STYX: variants seen among roughly 807,000 people sequenced by gnomAD.
STYX encodes serine/threonine/tyrosine-interacting protein.
In STYX, 20 loss-of-function variants were observed where a neutral mutation model predicts 42.7. That is an observed-to-expected ratio of 0.47 (90% CI 0.33 to 0.68). The LOEUF (loss-of-function observed/expected upper bound fraction) is 0.68, where lower values mean the gene tolerates loss of function less well. Ranked by LOEUF, STYX falls within the 30% of genes least tolerant of loss-of-function variation. The pLI, the probability that STYX is intolerant of heterozygous loss-of-function variation, is 0.02. For missense variants in STYX, 226 were observed against 268.5 expected (o/e 0.84, Z 1.11); for synonymous variants, 78 against 81.9 (o/e 0.95, Z 0.26).
chr14:52,730,451 C>G lies in STYX; in HGVS notation c.-24C>G, dbSNP rs1176763106. 1 of 1,612,518 alleles carries G rather than the reference C, an allele frequency of 6.2e-7. No homozygotes were observed. The highest frequency in any genetic ancestry group is 8.5e-7 in the Non-Finnish European group (1 of 1,179,510). Reference sequence around the variant, plus strand: ...GGCTGTGTAACACTCTCCCACCCCACCCACCAGCCCGCGGGCCAGCACCAT... The same window carrying G: ...GGCTGTGTAACACTCTCCCACCCCAGCCACCAGCCCGCGGGCCAGCACCAT... On this transcript the variant is annotated 5_prime_UTR_variant, in exon 1 of 11. Coordinates refer to ENST00000354586, the MANE Select transcript of STYX (RefSeq NM_145251.4).
intron 1 of STYX, among the ~76,000 whole-genome samples, chr14:52,734,912 C>T (rs982789240): frequency 3.9e-5 from 6 of 152,036 alleles, no homozygotes; most frequent in African/African-American, 1.4e-4. Context: ...AAAAAATTAG[C>T]CAGGTATGGT....
At chr14:52,766,476 T>A (rs1310152321) in intron 9 of STYX, among the ~76,000 whole-genome samples, 4 of 152,122 alleles carry the variant, frequency 2.6e-5, no homozygotes, top group East Asian at 1.9e-4. Context: ...CTTAGTTTTT[T>A]AAATTATTTT....
At chr14:52,760,575 G>A (rs1214066886) in intron 9 of STYX, among the ~76,000 whole-genome samples, 1 of 152,132 alleles carries the variant, frequency 6.6e-6, no homozygotes, top group Non-Finnish European at 1.5e-5. Context: ...TAGGAATAAA[G>A]CTCATGTTTC....
intron 1 of STYX, among the ~76,000 whole-genome samples, chr14:52,731,030 G>T (rs1018392971): frequency 6.6e-6 from 1 of 152,224 alleles, no homozygotes; most frequent in African/African-American, 2.4e-5. Context: ...GTGTCTCAAA[G>T]CTAGCTCATC....
chr14:52,756,975 C>T (rs1412805270), intron 5 of STYX, among the ~76,000 whole-genome samples: 1 of 152,140 alleles, frequency 6.6e-6, no homozygotes, highest in African/African-American at 2.4e-5. Flanking sequence ...GCGTGAGCCA[C>T]CGTGCCCAGC....
intron 10 of STYX, among the ~76,000 whole-genome samples, chr14:52,770,512 A>C (rs762386017): frequency 2.6e-5 from 4 of 152,136 alleles, no homozygotes; most frequent in Non-Finnish European, 5.9e-5. Context: ...GGTATGAAGA[A>C]TAGATAAAAG....
chr14:52,730,811 AG>A (rs1171363341), intron 1 of STYX, among the ~76,000 whole-genome samples: 2 of 152,204 alleles, frequency 1.3e-5, no homozygotes, highest in Non-Finnish European at 2.9e-5. Context: ...ACCTGGAGTA[AG>A]GTTCCTCTTT....
At chr14:52,758,117 T>C (rs1345971387) in intron 8 of STYX, among the ~76,000 whole-genome samples, 193 bp downstream of exon 8, 1 of 152,208 alleles carries the variant, frequency 6.6e-6, no homozygotes, top group East Asian at 1.9e-4. Context: ...CATAGGCTAA[T>C]ATGGAAATCC....
chr14:52,741,637 C>G (rs1881198611), intron 1 of STYX, among the ~76,000 whole-genome samples: 1 of 152,102 alleles, frequency 6.6e-6, no homozygotes, highest in Non-Finnish European at 1.5e-5. Context: ...CAGGGTTTCA[C>G]CATGTTGCCC....
rs987170949 is a variant in STYX, at chr14:52,757,501, G to C, written c.340+146G>C. 3.5e-6 allele frequency: 3 copies of C among 850,008 alleles called. No individual in the cohort carries two copies. In the East Asian group the frequency reaches 8.0e-5, roughly 23 times the overall value. The allele number at this position is 850,008 out of a possible 1,614,324, so 52.7% of individuals were successfully genotyped here. A position where few individuals can be genotyped will look rare whatever the true frequency, so the allele number is the denominator to read the frequency against. ...CAAATTTGTATTTTCCCAATTACTTGTTTCATTTGGATAGGCTTTCTGGAG... is the reference window on the plus strand; with the variant it reads ...CAAATTTGTATTTTCCCAATTACTTCTTTCATTTGGATAGGCTTTCTGGAG... On this transcript the variant is annotated intron_variant, in intron 6 of 10. Coordinates refer to ENST00000354586, the MANE Select transcript of STYX (RefSeq NM_145251.4).
chr14:52,748,445 A>G (rs2181056), intron 3 of STYX, among the ~76,000 whole-genome samples: 66,764 of 152,034 alleles, frequency 0.44, 15,231 homozygotes, highest in Middle Eastern at 0.54. Context: ...GGCCACATTT[A>G]CTTAAGTATA....
Position 52,773,081 on chromosome 14 carries a change from C to T in STYX, c.*1975C>T, listed in dbSNP as rs1474231645. ...CAGAAACTCTGCTTAAAAGAATCTT[C>T]ATAATAGTAAGTTTAGGTTTTAAAA... On this transcript the variant is annotated 3_prime_UTR_variant, in exon 11 of 11. Transcript: ENST00000354586. 1 of 152,058 alleles carries T rather than the reference C, an allele frequency of 6.6e-6. No individual in the cohort carries two copies. The highest frequency in any genetic ancestry group is 2.1e-4 in the South Asian group (1 of 4,828). The allele number at this position is 152,058 out of a possible 1,614,324, so 9.4% of individuals were successfully genotyped here.
intron 1 of STYX, among the ~76,000 whole-genome samples, chr14:52,739,017 A>G (rs1403789511): frequency 1.3e-5 from 2 of 150,642 alleles, no homozygotes; most frequent in Non-Finnish European, 2.9e-5. Context: ...TGATACCCCC[A>G]TGCACATAAT....
chr14:52,730,380 C>A lies in STYX; in HGVS notation c.-95C>A. On this transcript the variant is annotated 5_prime_UTR_variant, in exon 1 of 11. Coordinates refer to ENST00000354586, the MANE Select transcript of STYX (RefSeq NM_145251.4). ...GCCCTCCTGTCAGCCCTCCGCTCCG[C>A]CGGCCCTCCTTCCTTCCGCCGCCGC... is the stretch of plus-strand genomic sequence containing the variant. 2 of 1,326,992 alleles carry A rather than the reference C, an allele frequency of 1.5e-6. No individual in the cohort carries two copies. The highest frequency in any genetic ancestry group is 1.1e-6 in the Non-Finnish European group (1 of 939,426). 82.2% of individuals were successfully genotyped at this position (1,326,992 alleles called of 1,614,324 possible).
At chr14:52,734,865 T>C (rs1258866298) in intron 1 of STYX, among the ~76,000 whole-genome samples, 1 of 151,952 alleles carries the variant, frequency 6.6e-6, no homozygotes, top group African/African-American at 2.4e-5. Flanking sequence ...ATCAAGACCA[T>C]CCTGGCTAAC....
intron 10 of STYX, 56 bp from the exon 11 acceptor site, chr14:52,770,977 C>A (rs911969882): frequency 2.6e-6 from 4 of 1,545,686 alleles, no homozygotes; most frequent in Admixed American, 1.7e-5. Flanking sequence ...CTTGCTGTAA[C>A]CTTTTAACAT....
At chr14:52,755,100 T>G (rs1001956467) in intron 4 of STYX, among the ~76,000 whole-genome samples, 7 of 146,052 alleles carry the variant, frequency 4.8e-5, no homozygotes, top group East Asian at 2.0e-4. Flanking sequence ...AGCTTCTGTG[T>G]TTTTTTTTGT....
chr14:52,734,052 G>T (rs1431478626), intron 1 of STYX, among the ~76,000 whole-genome samples: 2 of 152,110 alleles, frequency 1.3e-5, no homozygotes. Context: ...ACATCAGTCC[G>T]CTTGGTTGTG....
intron 4 of STYX, among the ~76,000 whole-genome samples, chr14:52,753,891 G>GTTT (rs1219146789): frequency 2.1e-5 from 2 of 93,460 alleles, no homozygotes; most frequent in African/African-American, 3.7e-5. Flanking sequence ...CCAAAACACT[G>GTTT]ATTTTTTTTT....
Sources: allele counts gnomAD v4.1 joint callset (sites outside exome capture counted in the v4.1 genomes callset), GRCh38; gene constraint gnomAD v4.1.1; transcripts MANE v1.5; gene names NCBI Gene and HGNC (gene_info 2026-07-23, HGNC 2026-07-21).